CCAR1: variants seen among roughly 807,000 people sequenced by gnomAD.
The protein encoded by CCAR1 is cell division cycle and apoptosis regulator 1.
Under a neutral mutation model 163.8 loss-of-function variants are expected in CCAR1, and 78 were observed. The ratio of observed to expected loss-of-function variants is 0.48; its 90% CI spans 0.40 to 0.57. CCAR1 has a LOEUF of 0.57. CCAR1 is among the 20% of genes least tolerant of loss of function. The pLI is 0.00. For missense variants in CCAR1, 1,019 were observed against 1,365.2 expected (o/e 0.75, Z 4.00); for synonymous variants, 443 against 460.7 (o/e 0.96, Z 0.49).
Position 68,791,360 on chromosome 10 carries a change from T to C in CCAR1, c.*94T>C. ...TTTGAAGGTGATGCATGTTTGATTT[T>C]AGTAGTATAAATGTATTTTAGTTCA... On this transcript the variant is annotated 3_prime_UTR_variant, in exon 25 of 25. Coordinates refer to ENST00000265872, the MANE Select transcript of CCAR1 (RefSeq NM_018237.4). 1 of 767,424 alleles carries C rather than the reference T, an allele frequency of 1.3e-6. No homozygotes were observed. Among genetic ancestry groups the C allele is most frequent in the Non-Finnish European group, 2.1e-6 (1 of 481,742 alleles). 47.5% of individuals were successfully genotyped at this position (767,424 alleles called of 1,614,324 possible). A position where few individuals can be genotyped will look rare whatever the true frequency, so the allele number is the denominator to read the frequency against.
At chr10:68,748,400 C>CA (rs934325507) in intron 8 of CCAR1, among the ~76,000 whole-genome samples, 4 of 143,346 alleles carry the variant, frequency 2.8e-5, no homozygotes, top group Middle Eastern at 3.4e-3. Context: ...AACTCTGTCT[C>CA]AAAAAAAAGA....
At chr10:68,775,968 T>C (rs1272491258) in intron 19 of CCAR1, among the ~76,000 whole-genome samples, 1 of 151,948 alleles carries the variant, frequency 6.6e-6, no homozygotes, top group Non-Finnish European at 1.5e-5. Flanking sequence ...GTGCTGGAGT[T>C]ATAGACATGG....
chr10:68,758,533 TG>T (rs2056424107), intron 15 of CCAR1, among the ~76,000 whole-genome samples: 1 of 150,660 alleles, frequency 6.6e-6, no homozygotes, highest in South Asian at 2.1e-4. Context: ...TGTGTGTGTG[TG>T]TGTGTGTGTG....
chr10:68,775,698 T>C (rs1395027865), intron 19 of CCAR1, among the ~76,000 whole-genome samples: 34 of 124,344 alleles, frequency 2.7e-4, no homozygotes, highest in South Asian at 5.7e-4. Context: ...TTTTTTTTTT[T>C]TTTTTTTTTT....
chr10:68,723,802 C>G (rs1441131803), intron 2 of CCAR1, among the ~76,000 whole-genome samples: 2 of 147,968 alleles, frequency 1.4e-5, no homozygotes, highest in Non-Finnish European at 3.0e-5. Flanking sequence ...GAGCTGAGAT[C>G]GCGCCACTGC....
At chr10:68,747,711 ATG>A in intron 8 of CCAR1, 145 bp downstream of exon 8, 1 of 603,250 alleles carries the variant, frequency 1.7e-6, no homozygotes, top group Non-Finnish European at 2.8e-6. Context: ...TTCCATAGCT[ATG>A]TGGAAGTATT....
chr10:68,722,385 C>T, intron 1 of CCAR1, 70 bp from the exon 2 acceptor site: 1 of 810,740 alleles, frequency 1.2e-6, no homozygotes, highest in Non-Finnish European at 2.2e-6. Context: ...ACATTTCTTT[C>T]TATTGTAATA....
At chr10:68,736,179 AT>A (rs1423152844) in intron 2 of CCAR1, among the ~76,000 whole-genome samples, 2 of 152,026 alleles carry the variant, frequency 1.3e-5, no homozygotes, top group Non-Finnish European at 2.9e-5. Context: ...AAAATTAGAA[AT>A]TTTTCTTGAC....
chr10:68,789,695 G>T lies in CCAR1; in HGVS notation c.3188-15G>T. 8.2e-6 allele frequency: 12 copies of T among 1,470,000 alleles called. No homozygotes were observed. The highest frequency in any genetic ancestry group is 3.9e-5 in the South Asian group (3 of 76,868). The allele number at this position is 1,470,000 out of a possible 1,614,324, so 91.1% of individuals were successfully genotyped here. A position where few individuals can be genotyped will look rare whatever the true frequency, so the allele number is the denominator to read the frequency against. ...TTAGGAAGTAAAATGTTAATTTTTGGATTTTTTTAAACAGATGAAGATGAA... is the reference window on the plus strand; with the variant it reads ...TTAGGAAGTAAAATGTTAATTTTTGTATTTTTTTAAACAGATGAAGATGAA... On this transcript the variant is annotated splice_polypyrimidine_tract_variant and intron_variant, in intron 23 of 24. Coordinates refer to ENST00000265872, the MANE Select transcript of CCAR1 (RefSeq NM_018237.4).
intron 20 of CCAR1, 74 bp from the exon 21 acceptor site, chr10:68,786,472 C>G (rs1363406375): frequency 6.8e-6 from 7 of 1,024,014 alleles, no homozygotes; most frequent in African/African-American, 6.5e-5. Context: ...TATGCACAGT[C>G]TCCGTTTCTC....
At chr10:68,732,305 CATG>C (rs1211601653) in intron 2 of CCAR1, among the ~76,000 whole-genome samples, 3 of 152,052 alleles carry the variant, frequency 2.0e-5, no homozygotes, top group Non-Finnish European at 4.4e-5. Context: ...TTCCTATTTA[CATG>C]ATAATTTTTT....
chr10:68,786,760 A>G, intron 21 of CCAR1, 68 bp downstream of exon 21: 1 of 1,357,196 alleles, frequency 7.4e-7, no homozygotes, highest in South Asian at 1.3e-5. Context: ...TGAAAAGTTA[A>G]TAGAACCTCT....
intron 17 of CCAR1, 23 bp from the exon 18 acceptor site, chr10:68,771,183 T>A: frequency 2.6e-6 from 4 of 1,564,852 alleles, no homozygotes; most frequent in Non-Finnish European, 8.6e-7. Context: ...TTTGGCTAGG[T>A]TCATGTTGAT....
intron 2 of CCAR1, among the ~76,000 whole-genome samples, chr10:68,729,037 C>T (rs937565867): frequency 1.3e-5 from 2 of 151,608 alleles, no homozygotes; most frequent in Non-Finnish European, 2.9e-5. Flanking sequence ...TAATATGATA[C>T]CCACTATGTG....
chr10:68,773,537 G>A (rs1243052244), intron 19 of CCAR1, among the ~76,000 whole-genome samples: 1 of 151,986 alleles, frequency 6.6e-6, no homozygotes, highest in Non-Finnish European at 1.5e-5. Flanking sequence ...AGTGGCGCGT[G>A]CCTATAATCC....
intron 19 of CCAR1, among the ~76,000 whole-genome samples, chr10:68,785,028 C>T (rs1186144748): frequency 1.3e-5 from 2 of 151,270 alleles, no homozygotes; most frequent in African/African-American, 2.4e-5. Flanking sequence ...CGCCATTCTC[C>T]TGTCTCAGCC....
intron 10 of CCAR1, 97 bp from the exon 11 acceptor site, chr10:68,753,755 C>G: frequency 1.1e-6 from 1 of 894,636 alleles, no homozygotes; most frequent in Non-Finnish European, 1.8e-6. Flanking sequence ...TTTCAGCTTA[C>G]TTTTTACTAT....
chr10:68,761,508 A>G lies in CCAR1; in HGVS notation c.2106+316A>G, dbSNP rs193124502. On this transcript the variant is annotated intron_variant, in intron 16 of 24. Coordinates refer to ENST00000265872, the MANE Select transcript of CCAR1 (RefSeq NM_018237.4). ...TTTTTAGTAGAGACGGGGTTTCACC[A>G]TGTTGGCAGGCTAGTCTCGAACTCC... 4.3e-3 allele frequency among the ~76,000 whole-genome samples: 648 copies of G among 151,832 alleles called. 1 individual carries two copies. Among genetic ancestry groups the G allele is most frequent in the African/African-American group, 0.015 (622 of 41,400 alleles).
chr10:68,726,342 T>C (rs1350448411), intron 2 of CCAR1, among the ~76,000 whole-genome samples: 1 of 151,886 alleles, frequency 6.6e-6, no homozygotes, highest in Non-Finnish European at 1.5e-5. Flanking sequence ...TAGTAGAGAC[T>C]GGGTTTCACC....
Sources: gnomAD v4.1 joint callset for allele counts (sites outside exome capture counted in the v4.1 genomes callset) on GRCh38, gnomAD v4.1.1 for gene constraint, MANE v1.5 for transcripts, NCBI Gene and HGNC (gene_info 2026-07-23, HGNC 2026-07-21) for gene names.